Variants in TSNARE1 observed in about 807,000 individuals in gnomAD.
The protein encoded by TSNARE1 is t-SNARE domain-containing protein 1.
Under a neutral mutation model 62.0 loss-of-function variants are expected in TSNARE1, and 49 were observed. The ratio of observed to expected loss-of-function variants is 0.79; its 90% CI spans 0.63 to 1.00. TSNARE1 has a LOEUF of 1.00. Ranked by LOEUF, TSNARE1 falls within the 50% of genes least tolerant of loss-of-function variation. TSNARE1 has a pLI of 0.00. For synonymous variants in TSNARE1, 328 were observed against 294.4 expected, an observed-to-expected ratio of 1.11 and a Z score of -1.17; for missense variants, 755 against 700.1, an observed-to-expected ratio of 1.08 and a Z score of -0.88.
At chr8:142,299,884 A>G (rs556475414) in intron 10 of TSNARE1, among the ~76,000 whole-genome samples, 1 of 152,392 alleles carries the variant, frequency 6.6e-6, no homozygotes, top group African/African-American at 2.4e-5. Flanking sequence ...AGCAGGTATT[A>G]TACATGTGTA....
chr8:142,244,142 C>T (rs1469488317), intron 12 of TSNARE1, among the ~76,000 whole-genome samples: 10 of 152,270 alleles, frequency 6.6e-5, no homozygotes, highest in South Asian at 4.1e-4. Flanking sequence ...GCCGAGATCG[C>T]GCCACTGCAC....
intron 12 of TSNARE1, chr8:142,273,592 C>T (rs1819952142): frequency 1.0e-6 from 1 of 985,280 alleles, no homozygotes; most frequent in Non-Finnish European, 1.2e-6. Flanking sequence ...CACCAGCTGT[C>T]AACAGGGACT....
Position 142,330,955 on chromosome 8 carries a change from C to T in TSNARE1, c.839G>A (p.Arg280Gln), listed in dbSNP as rs182237739. The T allele has an allele frequency of 1.3e-4, 207 of 1,614,024 alleles. No homozygotes were observed. Among genetic ancestry groups the T allele is most frequent in the Admixed American group, 4.5e-4 (27 of 60,016 alleles). ...RINSSVTSLE[R>Q]SLQSLGTPSD... ...CGGTGTCCCTAAGGACTGAAGGCTC[C>T]GCTCCAAGGAGGTCACTGCCCGAGA... The change falls in exon 6 of 14, where the codon CGG becomes CAG. Residue 280 changes from arginine to glutamine, a missense_variant. By Grantham distance (43) the Arg-to-Gln change is conservative (BLOSUM62 1). Transcript: ENST00000524325.
chr8:142,260,965 T>TAAGGGAGGGAGGAGA (rs1818827858), intron 12 of TSNARE1, among the ~76,000 whole-genome samples: 1 of 1,098 alleles, frequency 9.1e-4, no homozygotes. Context: ...GACAAAGCAG[T>TAAGGGAGGGAGGAGA]CAGGGAGGGA....
chr8:142,247,152 G>T (rs1017543749), intron 12 of TSNARE1, among the ~76,000 whole-genome samples: 3 of 152,156 alleles, frequency 2.0e-5, no homozygotes, highest in African/African-American at 7.2e-5. Flanking sequence ...GCAGCAGATG[G>T]GTGCCCACCG....
chr8:142,388,123 T>A (rs1233286866), intron 1 of TSNARE1, among the ~76,000 whole-genome samples: 1 of 152,190 alleles, frequency 6.6e-6, no homozygotes, highest in Non-Finnish European at 1.5e-5. Context: ...GTTTGTATAA[T>A]TCACTATATT....
At chr8:142,382,505 CGGGCAGG>C (rs1230531810) in intron 1 of TSNARE1, among the ~76,000 whole-genome samples, 1 of 152,160 alleles carries the variant, frequency 6.6e-6, no homozygotes, top group Non-Finnish European at 1.5e-5. Flanking sequence ...CTGAGTCATG[CGGGCAGG>C]GGGCAGGGAG....
intron 8 of TSNARE1, 95 bp downstream of exon 8, chr8:142,314,908 G>T: frequency 8.3e-7 from 1 of 1,201,882 alleles, no homozygotes; most frequent in East Asian, 2.3e-5. Flanking sequence ...GGCTGCACCA[G>T]GCCCACAGGG....
intron 10 of TSNARE1, among the ~76,000 whole-genome samples, chr8:142,292,567 C>T (rs1338572320): frequency 2.0e-5 from 3 of 152,250 alleles, no homozygotes; most frequent in Middle Eastern, 3.4e-3. Context: ...GAGAAGAGGC[C>T]GGCCAGACCC....
upstream of TSNARE1, chr8:142,405,482 A>C (rs575483522): frequency 1.8e-4 from 27 of 152,306 alleles, no homozygotes; most frequent in East Asian, 2.5e-3. Flanking sequence ...GCACCCCCCA[A>C]ATTGGATCTA....
At chr8:142,218,656 C>A (rs1385479758) in intron 13 of TSNARE1, among the ~76,000 whole-genome samples, 2 of 152,196 alleles carry the variant, frequency 1.3e-5, no homozygotes, top group Admixed American at 6.5e-5. Context: ...CAGGCCGACA[C>A]CCGACACACT....
chr8:142,316,390 C>T (rs1441536137), intron 7 of TSNARE1, among the ~76,000 whole-genome samples: 1 of 151,854 alleles, frequency 6.6e-6, no homozygotes, highest in Non-Finnish European at 1.5e-5. Context: ...TTCCTGTCAT[C>T]TGCCTTTAGG....
At position 142,279,862 on chromosome 8, in the gene TSNARE1, G is replaced by A. The variant is rs1276554623; in HGVS notation, c.1363+4551C>T. On this transcript the variant is annotated intron_variant, in intron 11 of 13. Transcript: ENST00000524325. ...GGCTGTGGGGAAGGCCCACTTACTT[G>A]GCAGGGGCTCCGTGGTCTGGCCCTC... 6 of 1,030,306 alleles carry A rather than the reference G, an allele frequency of 5.8e-6. No homozygotes were observed. The African/African-American group carries it at 7.0e-5, about 12-fold the overall frequency. The allele number at this position is 1,030,306 out of a possible 1,614,324, so 63.8% of individuals were successfully genotyped here.
intron 9 of TSNARE1, among the ~76,000 whole-genome samples, chr8:142,304,988 G>C (rs941591888): frequency 6.6e-6 from 1 of 152,176 alleles, no homozygotes; most frequent in African/African-American, 2.4e-5. Context: ...AAACTTTTGA[G>C]GTAAGAGGTC....
chr8:142,271,099 C>T (rs978532956), intron 12 of TSNARE1: 4 of 985,972 alleles, frequency 4.1e-6, no homozygotes, highest in Non-Finnish European at 4.8e-6. Context: ...ATATCTCCTC[C>T]TCCACCTTCA....
At chr8:142,216,878 AACCGGG>A (rs1173412485) in intron 13 of TSNARE1, among the ~76,000 whole-genome samples, 1 of 152,166 alleles carries the variant, frequency 6.6e-6, no homozygotes, top group African/African-American at 2.4e-5. Context: ...ACAGCAGGGG[AACCGGG>A]GTTTCAGCCC....
chr8:142,250,434 G>A (rs1401801505), intron 12 of TSNARE1, among the ~76,000 whole-genome samples: 2 of 152,078 alleles, frequency 1.3e-5, no homozygotes, highest in South Asian at 2.1e-4. Context: ...TCCAAGCAGC[G>A]GCGTGGGGGC....
At chr8:142,213,819 C>T (rs955236890) in intron 13 of TSNARE1, among the ~76,000 whole-genome samples, 2 of 152,196 alleles carry the variant, frequency 1.3e-5, no homozygotes, top group East Asian at 1.9e-4. Context: ...GATGTGCAGG[C>T]GGCTCCTGCA....
At chr8:142,245,795 T>C (rs1056579264) in intron 12 of TSNARE1, among the ~76,000 whole-genome samples, 2 of 152,066 alleles carry the variant, frequency 1.3e-5, no homozygotes, top group African/African-American at 2.4e-5. Flanking sequence ...GAGCAAGCAG[T>C]GGTCCTGTTG....
Sources: allele counts gnomAD v4.1 joint callset (sites outside exome capture counted in the v4.1 genomes callset), GRCh38; gene constraint gnomAD v4.1.1; transcripts MANE v1.5; gene names NCBI Gene and HGNC (gene_info 2026-07-23, HGNC 2026-07-21).